The following KCNN2 variants were observed in gnomAD, a reference collection of about 807,000 sequenced individuals.
KCNN2 encodes the protein small conductance calcium-activated potassium channel protein 2.
KCNN2 carries 24 observed loss-of-function variants against 55.5 expected under a neutral mutation model. That is an observed-to-expected ratio of 0.43 (90% CI 0.31 to 0.61). KCNN2 has a LOEUF of 0.61. KCNN2 is among the 20% of genes least tolerant of loss of function. The pLI is 0.08. For synonymous variants in KCNN2, 431 were observed against 336.1 expected, an observed-to-expected ratio of 1.28 and a Z score of -3.09; for missense variants, 754 against 853.6, an observed-to-expected ratio of 0.88 and a Z score of 1.45.
At chr5:114,298,057 G>T (rs914751346) in intron 2 of KCNN2, among the ~76,000 whole-genome samples, 5 of 152,186 alleles carry the variant, frequency 3.3e-5, no homozygotes, top group African/African-American at 1.2e-4. Flanking sequence ...AGGAGTTAGT[G>T]TATGTCAATT....
intron 5 of KCNN2, 175 bp from the exon 6 acceptor site, chr5:114,486,875 A>G: frequency 8.9e-7 from 1 of 1,127,136 alleles, no homozygotes; most frequent in Non-Finnish European, 1.3e-6. Flanking sequence ...GTTCCCAGGC[A>G]GGTACAAGTA....
chr5:114,480,255 T>A (rs1762168115), intron 5 of KCNN2, among the ~76,000 whole-genome samples: 1 of 151,564 alleles, frequency 6.6e-6, no homozygotes, highest in African/African-American at 2.4e-5. Flanking sequence ...AACTAGAAAA[T>A]CTAGAAGAAA....
At chr5:114,365,015 A>G (rs905843344) in intron 2 of KCNN2, among the ~76,000 whole-genome samples, 3 of 152,036 alleles carry the variant, frequency 2.0e-5, no homozygotes, top group South Asian at 2.1e-4. Context: ...TTAAAATCTT[A>G]TATAGGATTT....
intron 2 of KCNN2, among the ~76,000 whole-genome samples, chr5:114,294,430 C>T (rs1247912146): frequency 2.6e-5 from 4 of 152,132 alleles, no homozygotes; most frequent in African/African-American, 9.7e-5. Context: ...ATCTTTATTT[C>T]TGCCTTCATT....
rs942371869 is a variant in KCNN2, at chr5:114,448,078, C to T, written c.1638-14971C>T. Among the ~76,000 whole-genome samples the T allele has an allele frequency of 2.0e-5, 3 of 151,966 alleles. No individual in the cohort carries two copies. In the East Asian group the frequency reaches 5.8e-4, roughly 29 times the overall value. ...CTGGCATTGAAAGTTTTGGGGTTTT[C>T]GTGATTTATGTAGTGATTTTTCTCC... On this transcript the variant is annotated intron_variant, in intron 3 of 7. Coordinates refer to ENST00000673685, the MANE Select transcript of KCNN2 (RefSeq NM_021614.4).
chr5:114,293,258 C>T lies in KCNN2; in HGVS notation c.-184-67687C>T, dbSNP rs531506161. On this transcript the variant is annotated intron_variant, in intron 2 of 10. Transcript: ENST00000512097. ...ATAGGAGTGGTGAGAGAGGGCATCCCTGTCTTGTGCCAGTTTTCAAAGGGA... is the reference window on the plus strand; with the variant it reads ...ATAGGAGTGGTGAGAGAGGGCATCCTTGTCTTGTGCCAGTTTTCAAAGGGA... Among the ~76,000 whole-genome samples the T allele has an allele frequency of 5.3e-5, 8 of 152,246 alleles. 1 individual carries two copies. In the East Asian group the frequency reaches 1.4e-3, roughly 26 times the overall value.
At chr5:114,284,464 C>G (rs1027380670) in intron 2 of KCNN2, among the ~76,000 whole-genome samples, 4 of 152,152 alleles carry the variant, frequency 2.6e-5, no homozygotes, top group Non-Finnish European at 4.4e-5. Flanking sequence ...TCATTGGCTA[C>G]TCACATAACA....
intron 1 of KCNN2, among the ~76,000 whole-genome samples, chr5:114,134,510 T>TA (rs58917847): frequency 1.3e-5 from 2 of 148,544 alleles, no homozygotes; most frequent in African/African-American, 4.9e-5. Flanking sequence ...TTTATTTATT[T>TA]TGTCTCCTAG....
intron 2 of KCNN2, among the ~76,000 whole-genome samples, chr5:114,312,422 CACACACACACACATATATATATAT>C (rs1221164638): frequency 0.013 from 629 of 49,628 alleles, 1 homozygote; most frequent in Middle Eastern, 0.033. Context: ...CACACACACA[CACACACACACACATATATATATAT>C]ATATATATAT....
intron 2 of KCNN2, among the ~76,000 whole-genome samples, chr5:114,375,766 G>A (rs990236402): frequency 6.6e-6 from 1 of 151,776 alleles, no homozygotes; most frequent in Non-Finnish European, 1.5e-5. Context: ...ACGAGTTTGA[G>A]CAGGCTTCTA....
chr5:114,463,276 A>T lies in KCNN2; in HGVS notation c.1779+86A>T, dbSNP rs1580874104. 4.8e-6 allele frequency: 5 copies of T among 1,032,778 alleles called. No individual in the cohort carries two copies. In the East Asian group the frequency reaches 1.3e-4, roughly 26 times the overall value. 64.0% of individuals were successfully genotyped at this position (1,032,778 alleles called of 1,614,324 possible). A position where few individuals can be genotyped will look rare whatever the true frequency, so the allele number is the denominator to read the frequency against. On this transcript the variant is annotated intron_variant, in intron 4 of 7. Coordinates refer to ENST00000673685, the MANE Select transcript of KCNN2 (RefSeq NM_021614.4). ...CAGTCCACGTGCATAAGTAATTGTG[A>T]GCTACTTCTTTTCCCATCAGCAGGA... is the stretch of plus-strand genomic sequence containing the variant.
chr5:114,350,428 G>T (rs1282957016), intron 2 of KCNN2, among the ~76,000 whole-genome samples: 2 of 151,858 alleles, frequency 1.3e-5, no homozygotes, highest in African/African-American at 4.8e-5. Flanking sequence ...TCACTTTCCT[G>T]ATGGTATCCT....
intron 1 of KCNN2, among the ~76,000 whole-genome samples, chr5:114,084,910 AG>A (rs1241680157): frequency 6.6e-6 from 1 of 151,964 alleles, no homozygotes; most frequent in Non-Finnish European, 1.5e-5. Context: ...ATTTTTTAAA[AG>A]ATTGTCTTCT....
At chr5:114,260,825 A>G (rs1481168016) in intron 2 of KCNN2, among the ~76,000 whole-genome samples, 1 of 152,192 alleles carries the variant, frequency 6.6e-6, no homozygotes, top group African/African-American at 2.4e-5. Flanking sequence ...TTGCATATGT[A>G]AAATGGGCAG....
intron 1 of KCNN2, among the ~76,000 whole-genome samples, chr5:114,171,883 C>T (rs1368229421): frequency 6.6e-6 from 1 of 151,796 alleles, no homozygotes; most frequent in Non-Finnish European, 1.5e-5. Flanking sequence ...TGAAAGTGAA[C>T]TAAATTGTGT....
At chr5:114,123,846 G>A (rs1460962613) in intron 1 of KCNN2, among the ~76,000 whole-genome samples, 2 of 152,012 alleles carry the variant, frequency 1.3e-5, no homozygotes, top group Non-Finnish European at 2.9e-5. Flanking sequence ...TTGTCCCCTT[G>A]GGGACTCCCT....
intron 2 of KCNN2, among the ~76,000 whole-genome samples, chr5:114,299,629 A>G (rs368222200): frequency 1.1e-4 from 16 of 152,286 alleles, no homozygotes; most frequent in African/African-American, 3.6e-4. Context: ...ACCTCCATAC[A>G]GACACAGCCT....
chr5:114,477,027 T>A (rs1761999555), intron 5 of KCNN2, among the ~76,000 whole-genome samples: 3 of 152,192 alleles, frequency 2.0e-5, no homozygotes, highest in Admixed American at 2.0e-4. Flanking sequence ...GAATGATTTG[T>A]GAATAATTAA....
rs79238670 is a variant in KCNN2 at position 114,079,810 on chromosome 5, G to C, written c.-271+23310G>C. ...GCTTTAAGAGGAAAATCAATAAACAGTAGATACTTAATATGTGTGTGTGTG... is the reference window on the plus strand; with the variant it reads ...GCTTTAAGAGGAAAATCAATAAACACTAGATACTTAATATGTGTGTGTGTG... On this transcript the variant is annotated intron_variant, in intron 1 of 10. Transcript: ENST00000512097. Among the ~76,000 whole-genome samples, 113 of 149,978 alleles carry C rather than the reference G, an allele frequency of 7.5e-4. 2 individuals are homozygous for C. The highest frequency in any genetic ancestry group is 2.8e-3 in the African/African-American group (112 of 40,296).
Sources: allele counts gnomAD v4.1 joint callset (sites outside exome capture counted in the v4.1 genomes callset), GRCh38; gene constraint gnomAD v4.1.1; transcripts MANE v1.5; gene names NCBI Gene and HGNC (gene_info 2026-07-23, HGNC 2026-07-21).